ME3: variants seen among roughly 807,000 people sequenced by gnomAD.
The protein encoded by ME3 is NADP-dependent malic enzyme, mitochondrial.
ME3 carries 48 observed loss-of-function variants against 68.9 expected under a neutral mutation model. The ratio of observed to expected loss-of-function variants is 0.70; its 90% CI spans 0.55 to 0.89. The LOEUF is 0.89. ME3 is among the 40% of genes least tolerant of loss of function. The pLI is 0.00. For synonymous variants in ME3, 320 were observed against 318.8 expected (o/e 1.00, Z -0.04); for missense variants, 675 against 797.4 (o/e 0.85, Z 1.85).
intron 7 of ME3, among the ~76,000 whole-genome samples, chr11:86,475,653 T>C (rs1272743264): frequency 6.6e-6 from 1 of 152,032 alleles, no homozygotes; most frequent in South Asian, 2.1e-4. Flanking sequence ...CTTTTCTCAT[T>C]ATCTGGCCTT....
At chr11:86,486,809 G>A (rs1048876109) in intron 7 of ME3, among the ~76,000 whole-genome samples, 6 of 152,228 alleles carry the variant, frequency 3.9e-5, no homozygotes, top group Non-Finnish European at 8.8e-5. Flanking sequence ...TGGGGTGGAA[G>A]CTGCCAGTAC....
At chr11:86,563,465 T>C (rs1312832858) in intron 2 of ME3, among the ~76,000 whole-genome samples, 4 of 152,186 alleles carry the variant, frequency 2.6e-5, no homozygotes, top group African/African-American at 9.6e-5. Flanking sequence ...CACTTATATG[T>C]CTTCTTGTTT....
At position 86,521,922 on chromosome 11, in the gene ME3, A is replaced by G. The variant is rs79271288; in HGVS notation, c.468-13055T>C. ...TTGGCCATCCATATCCACAGGTTCT[A>G]CATCTTGGATTCAACCTACTGTGGA... On this transcript the variant is annotated intron_variant, in intron 4 of 14. Coordinates refer to ENST00000543262, the Ensembl canonical transcript of ME3. 2.4e-4 allele frequency among the ~76,000 whole-genome samples: 36 copies of G among 152,292 alleles called. No homozygotes were observed. In the East Asian group the frequency reaches 5.8e-3, roughly 24 times the overall value.
At chr11:86,569,176 G>A (rs541953185) in intron 2 of ME3, among the ~76,000 whole-genome samples, 1 of 152,356 alleles carries the variant, frequency 6.6e-6, no homozygotes, top group Non-Finnish European at 1.5e-5. Context: ...TGCTGGAGAG[G>A]AGCCTTGAAG....
exon 4 of ME3, chr11:86,556,649 A>G: frequency 6.2e-7 from 1 of 1,614,106 alleles, no homozygotes; most frequent in Non-Finnish European, 8.5e-7. Context: ...CGAAGTCAGC[A>G]CTCGGTAGAA....
chr11:86,458,496 G>T (rs555092845), intron 8 of ME3, among the ~76,000 whole-genome samples: 1 of 152,190 alleles, frequency 6.6e-6, no homozygotes, highest in Non-Finnish European at 1.5e-5. Flanking sequence ...GGCTTCTCTG[G>T]AGGTTCGGCT....
chr11:86,629,276 G>A (rs1202676694), intron 2 of ME3, among the ~76,000 whole-genome samples: 7 of 152,184 alleles, frequency 4.6e-5, no homozygotes, highest in Non-Finnish European at 4.4e-5. Flanking sequence ...ATTCCCAGAG[G>A]CATGGCTTTG....
At chr11:86,659,698 CT>C (rs1565289604) in intron 2 of ME3, among the ~76,000 whole-genome samples, 1 of 152,210 alleles carries the variant, frequency 6.6e-6, no homozygotes, top group Non-Finnish European at 1.5e-5. Context: ...CAGCCATACC[CT>C]ATTTAGCTGG....
At chr11:86,540,852 T>C (rs541432579) in intron 4 of ME3, among the ~76,000 whole-genome samples, 2 of 152,304 alleles carry the variant, frequency 1.3e-5, no homozygotes, top group Admixed American at 6.5e-5. Flanking sequence ...GCTGGCAAGA[T>C]GGCCGAATAG....
chr11:86,605,233 T>C (rs1961451997), intron 2 of ME3, among the ~76,000 whole-genome samples: 1 of 152,208 alleles, frequency 6.6e-6, no homozygotes, highest in Non-Finnish European at 1.5e-5. Context: ...TACTGCAAAT[T>C]ATTTATCCAT....
intron 8 of ME3, among the ~76,000 whole-genome samples, chr11:86,460,908 A>G (rs1489832089): frequency 6.6e-6 from 1 of 152,220 alleles, no homozygotes; most frequent in Non-Finnish European, 1.5e-5. Flanking sequence ...CTGCTTAACA[A>G]TGAGAACACA....
chr11:86,543,765 G>A (rs1257199565), intron 4 of ME3, among the ~76,000 whole-genome samples: 1 of 152,116 alleles, frequency 6.6e-6, no homozygotes, highest in Non-Finnish European at 1.5e-5. Context: ...AAATTAACAA[G>A]GATATTCCGA....
rs1226359784 is a variant in ME3, at chr11:86,601,317, A to G, written c.184-41494T>C. ...ATACAAACTACCATCAGAGGATACT[A>G]CAAACACCTCTACGCAAATAAACTA... is the stretch of plus-strand genomic sequence containing the variant. On this transcript the variant is annotated intron_variant, in intron 2 of 14. Transcript: ENST00000543262. Among the ~76,000 whole-genome samples, 13 of 152,366 alleles carry G rather than the reference A, an allele frequency of 8.5e-5. No homozygotes were observed. In the Middle Eastern group the frequency reaches 0.01, roughly 120 times the overall value.
At chr11:86,537,405 T>C (rs1369972718) in intron 4 of ME3, among the ~76,000 whole-genome samples, 1 of 152,134 alleles carries the variant, frequency 6.6e-6, no homozygotes, top group Non-Finnish European at 1.5e-5. Flanking sequence ...TAACTATCAC[T>C]GTGCACAATG....
chr11:86,549,793 C>T (rs1334310176), intron 4 of ME3, among the ~76,000 whole-genome samples: 1 of 152,106 alleles, frequency 6.6e-6, no homozygotes, highest in East Asian at 1.9e-4. Context: ...AGGAGGATGG[C>T]AGATGTAGAA....
At chr11:86,585,862 G>A (rs1565174032) in intron 2 of ME3, among the ~76,000 whole-genome samples, 1 of 152,098 alleles carries the variant, frequency 6.6e-6, no homozygotes, top group Non-Finnish European at 1.5e-5. Context: ...AAAGAAAGAA[G>A]GAGAACCACA....
At chr11:86,608,816 T>C (rs749285363) in intron 2 of ME3, among the ~76,000 whole-genome samples, 7 of 152,228 alleles carry the variant, frequency 4.6e-5, no homozygotes, top group Non-Finnish European at 7.3e-5. Context: ...AATTAACTGG[T>C]ATATAAGATA....
intron 2 of ME3, among the ~76,000 whole-genome samples, chr11:86,636,574 A>C (rs1208138956): frequency 2.0e-5 from 3 of 152,158 alleles, no homozygotes; most frequent in Admixed American, 6.6e-5. Context: ...CTCATTCCTG[A>C]CTTACTCCTC....
Position 86,636,263 on chromosome 11 carries a change from C to CT in ME3, c.183+35498dup, listed in dbSNP as rs34315700. Reference sequence around the variant, plus strand: ...CATTCTCTGAACCCAGTTTTTCTTTCTTTTTTTTTTTGTTTGTTTGTTTTA... The same window carrying CT: ...CATTCTCTGAACCCAGTTTTTCTTTCTTTTTTTTTTTTGTTTGTTTGTTTTA... On this transcript the variant is annotated intron_variant, in intron 2 of 14. Transcript: ENST00000543262. 2.8e-3 allele frequency among the ~76,000 whole-genome samples: 421 copies of CT among 148,504 alleles called. 2 individuals are homozygous for CT. The highest frequency in any genetic ancestry group is 5.6e-3 in the East Asian group (28 of 5,022).
Sources: gnomAD v4.1 joint callset for allele counts (sites outside exome capture counted in the v4.1 genomes callset) on GRCh38, gnomAD v4.1.1 for gene constraint, MANE v1.5 for transcripts, NCBI Gene and HGNC (gene_info 2026-07-23, HGNC 2026-07-21) for gene names.